The following ACER3 variants were observed in gnomAD, a reference collection of about 807,000 sequenced individuals.
ACER3 encodes alkaline ceramidase 3, also known as alkCDase 3.
In ACER3, 16 loss-of-function variants were observed where a neutral mutation model predicts 48.9. The ratio of observed to expected loss-of-function variants is 0.33; its 90% CI spans 0.22 to 0.50. ACER3 has a LOEUF of 0.50. Among genes scored for constraint, ACER3 ranks in the 20% least tolerant of loss-of-function variants. The pLI is 0.98. For synonymous variants in ACER3, 109 were observed against 107.8 expected (o/e 1.01, Z -0.07); for missense variants, 227 against 326.0 (o/e 0.70, Z 2.34).
In ACER3 at chr11:76,957,996, A is replaced by G. The variant is rs189979722; in HGVS notation, c.215-983A>G. On this transcript the variant is annotated intron_variant, in intron 2 of 10. Coordinates refer to ENST00000532485, the MANE Select transcript of ACER3 (RefSeq NM_018367.7). Reference sequence around the variant, plus strand: ...GTATTAATAGAGATAAGGTCTCACTATGTTGCCCAGGCTGGTCTTGAACTT... The same window carrying G: ...GTATTAATAGAGATAAGGTCTCACTGTGTTGCCCAGGCTGGTCTTGAACTT... Among the ~76,000 whole-genome samples the G allele has an allele frequency of 4.0e-5, 6 of 151,304 alleles. No homozygotes were observed. In the East Asian group the frequency reaches 5.9e-4, roughly 15 times the overall value.
At chr11:76,990,709 T>C in intron 6 of ACER3, 135 bp downstream of exon 6, 2 of 610,782 alleles carry the variant, frequency 3.3e-6, no homozygotes, top group Non-Finnish European at 5.8e-6. Flanking sequence ...AGTTCAGTGT[T>C]TAAAAGGGAG....
Position 76,977,872 on chromosome 11 carries a change from C to T in ACER3, c.320+1531C>T, listed in dbSNP as rs142472591. 4.0e-3 allele frequency among the ~76,000 whole-genome samples: 612 copies of T among 152,342 alleles called. 7 individuals carry two copies. The highest frequency in any genetic ancestry group is 0.014 in the African/African-American group (592 of 41,584). On this transcript the variant is annotated intron_variant, in intron 4 of 10. Coordinates refer to ENST00000532485, the MANE Select transcript of ACER3 (RefSeq NM_018367.7). Reference sequence around the variant, plus strand: ...CCCTGCAGGCTTGAAAGTGCCTGCTCCCACTGCCTGGCTTCTCTCCGCTCC... The same window carrying T: ...CCCTGCAGGCTTGAAAGTGCCTGCTTCCACTGCCTGGCTTCTCTCCGCTCC...
chr11:76,986,514 T>G (rs6592691), intron 5 of ACER3, among the ~76,000 whole-genome samples: 111,434 of 152,044 alleles, frequency 0.73, 41,130 homozygotes, highest in Non-Finnish European at 0.77. Context: ...ACTATTGTTT[T>G]TTCATAGGCA....
At chr11:76,885,557 G>A (rs1328860630) in intron 1 of ACER3, among the ~76,000 whole-genome samples, 1 of 152,080 alleles carries the variant, frequency 6.6e-6, no homozygotes, top group African/African-American at 2.4e-5. Flanking sequence ...GAGGAAGTGG[G>A]GAGAAACATG....
chr11:76,983,852 G>T (rs922250156), intron 4 of ACER3, among the ~76,000 whole-genome samples: 2 of 150,204 alleles, frequency 1.3e-5, no homozygotes, highest in African/African-American at 4.9e-5. Context: ...GTGCAATGGC[G>T]CAATCTTGGC....
intron 1 of ACER3, among the ~76,000 whole-genome samples, chr11:76,869,154 T>A (rs1945177332): frequency 1.3e-5 from 2 of 152,220 alleles, no homozygotes; most frequent in Non-Finnish European, 2.9e-5. Flanking sequence ...GAGCTGACAC[T>A]ATCTCGAGGT....
intron 4 of ACER3, among the ~76,000 whole-genome samples, chr11:76,983,727 T>C (rs1303418841): frequency 6.6e-6 from 1 of 152,198 alleles, no homozygotes; most frequent in Non-Finnish European, 1.5e-5. Context: ...AACTTATTCA[T>C]TTTTCTGTTG....
chr11:76,964,777 A>C (rs1302132872), intron 3 of ACER3, among the ~76,000 whole-genome samples: 1 of 151,410 alleles, frequency 6.6e-6, no homozygotes, highest in Non-Finnish European at 1.5e-5. Context: ...GACAACTAAC[A>C]AACAGAAAGG....
intron 1 of ACER3, among the ~76,000 whole-genome samples, chr11:76,862,285 CAAAA>C (rs11325230): frequency 3.4e-5 from 5 of 145,136 alleles, no homozygotes; most frequent in Non-Finnish European, 1.5e-5. Flanking sequence ...GGCTAAGTTT[CAAAA>C]AAAAAAAAAA....
At chr11:76,979,094 C>A (rs1291351138) in intron 4 of ACER3, among the ~76,000 whole-genome samples, 1 of 152,178 alleles carries the variant, frequency 6.6e-6, no homozygotes, top group African/African-American at 2.4e-5. Flanking sequence ...AGAATGAGCC[C>A]AGTGGGCCAG....
intron 3 of ACER3, among the ~76,000 whole-genome samples, chr11:76,960,622 T>A (rs1320263441): frequency 3.3e-5 from 5 of 152,166 alleles, no homozygotes; most frequent in Non-Finnish European, 7.4e-5. Flanking sequence ...GTGTGGCTTA[T>A]AGGATAGCCA....
At chr11:76,988,560 C>G (rs557904995) in intron 5 of ACER3, among the ~76,000 whole-genome samples, 1 of 152,256 alleles carries the variant, frequency 6.6e-6, no homozygotes, top group Non-Finnish European at 1.5e-5. Context: ...AACTCACTCA[C>G]TATGATGAGA....
chr11:76,958,712 A>G, intron 2 of ACER3: 1 of 464,362 alleles, frequency 2.2e-6, no homozygotes, highest in South Asian at 2.2e-5. Context: ...AGCATCAGAT[A>G]ATACATTTTA....
intron 2 of ACER3, among the ~76,000 whole-genome samples, chr11:76,953,524 G>A (rs1312673082): frequency 6.6e-6 from 1 of 152,086 alleles, no homozygotes; most frequent in Non-Finnish European, 1.5e-5. Context: ...CTTGAACCTG[G>A]GAGGCGGAGG....
At chr11:76,898,022 C>G (rs760501873) in intron 1 of ACER3, among the ~76,000 whole-genome samples, 1 of 151,922 alleles carries the variant, frequency 6.6e-6, no homozygotes, top group Admixed American at 6.6e-5. Context: ...TCATAAAAGG[C>G]ACTGTTAATT....
In ACER3 at chr11:77,022,135, T is replaced by C. The variant is rs891533513; in HGVS notation, c.*1808T>C. 6.6e-6 allele frequency: 1 copy of C among 152,212 alleles called. No individual in the cohort carries two copies. Among genetic ancestry groups the C allele is most frequent in the African/African-American group, 2.4e-5 (1 of 41,450 alleles). The allele number at this position is 152,212 out of a possible 1,614,324, so 9.4% of individuals were successfully genotyped here. On this transcript the variant is annotated 3_prime_UTR_variant, in exon 11 of 11. Coordinates refer to ENST00000532485, the MANE Select transcript of ACER3 (RefSeq NM_018367.7). ...TTCCACCATTATATTTTTATACTTT[T>C]CAGTTAGATATACTTCTGCATAAAG...
At chr11:76,910,092 G>A (rs928210116) in intron 1 of ACER3, among the ~76,000 whole-genome samples, 18 of 150,624 alleles carry the variant, frequency 1.2e-4, no homozygotes, top group Non-Finnish European at 2.7e-4. Flanking sequence ...GGCACAGGGA[G>A]GGGAACATCA....
In ACER3 at chr11:77,020,889, C is replaced by T. The variant is rs993682044; in HGVS notation, c.*562C>T. 1 of 153,550 alleles carries T rather than the reference C, an allele frequency of 6.5e-6. No homozygotes were observed. Among genetic ancestry groups the T allele is most frequent in the African/African-American group, 2.4e-5 (1 of 41,448 alleles). The allele number at this position is 153,550 out of a possible 1,614,324, so 9.5% of individuals were successfully genotyped here. On this transcript the variant is annotated 3_prime_UTR_variant, in exon 11 of 11. Coordinates refer to ENST00000532485, the MANE Select transcript of ACER3 (RefSeq NM_018367.7). The stretch of plus-strand genomic sequence containing the variant: ...CTGTGGGATTCTGTGTAGTTCTTCA[C>T]TATCTGTTCCAGGGCTAGTCGGAGG...
At chr11:76,948,211 C>G (rs1046447202) in intron 2 of ACER3, among the ~76,000 whole-genome samples, 6 of 135,664 alleles carry the variant, frequency 4.4e-5, no homozygotes, top group Non-Finnish European at 9.6e-5. Flanking sequence ...CTGGCTCACT[C>G]TGTGTGTGTG....
Sources: allele counts gnomAD v4.1 joint callset (sites outside exome capture counted in the v4.1 genomes callset), GRCh38; gene constraint gnomAD v4.1.1; transcripts MANE v1.5; gene names NCBI Gene and HGNC (gene_info 2026-07-23, HGNC 2026-07-21).